CCL28: variants seen among roughly 807,000 people sequenced by gnomAD.
The protein encoded by CCL28 is C-C motif chemokine ligand 28.
In CCL28, 4 loss-of-function variants were observed where a neutral mutation model predicts 7.1. That is an observed-to-expected ratio of 0.56 (90% CI 0.28 to 1.29). CCL28 has a LOEUF of 1.29. CCL28 is among the 50% of genes most tolerant of loss of function. The pLI, the probability that CCL28 is intolerant of heterozygous loss-of-function variation, is 0.11. For missense variants in CCL28, 151 were observed against 163.4 expected, an observed-to-expected ratio of 0.92 and a Z score of 0.41; for synonymous variants, 55 against 57.8, an observed-to-expected ratio of 0.95 and a Z score of 0.22.
downstream of CCL28, among the ~76,000 whole-genome samples, chr5:43,374,015 C>T (rs72754600): frequency 6.4e-4 from 97 of 152,300 alleles, no homozygotes; most frequent in Non-Finnish European, 1.1e-3. Flanking sequence ...AACATAGTTT[C>T]CTAGGCCAGG....
At chr5:43,402,680 GT>G (rs1368975523) in intron 1 of CCL28, among the ~76,000 whole-genome samples, 1 of 152,206 alleles carries the variant, frequency 6.6e-6, no homozygotes, top group East Asian at 1.9e-4. Flanking sequence ...AGTGGGTGCA[GT>G]CCATGGAGCG....
downstream of CCL28, among the ~76,000 whole-genome samples, chr5:43,375,949 C>T (rs777025587): frequency 4.6e-5 from 7 of 152,102 alleles, no homozygotes; most frequent in South Asian, 8.3e-4. Flanking sequence ...GCAGGAGAAT[C>T]GCTTGAGCCT....
At chr5:43,376,185 G>A (rs1185391395), downstream of CCL28, among the ~76,000 whole-genome samples, 1 of 152,254 alleles carries the variant, frequency 6.6e-6, no homozygotes, top group Non-Finnish European at 1.5e-5. Flanking sequence ...TCTATACCAG[G>A]GCAGAAAATT....
the CCL28 span, among the ~76,000 whole-genome samples, chr5:43,368,762 A>G: frequency 1.3e-5 from 2 of 152,126 alleles, no homozygotes; most frequent in Non-Finnish European, 2.9e-5. Context: ...GTGAAGGGAC[A>G]CTGGGAGAAG....
At chr5:43,357,925 G>A in the CCL28 span, among the ~76,000 whole-genome samples, 5 of 152,110 alleles carry the variant, frequency 3.3e-5, no homozygotes, top group Non-Finnish European at 4.4e-5. Context: ...AGGGCCCAAG[G>A]GTATTGTCCC....
At chr5:43,376,482 G>A (rs920136917), downstream of CCL28, among the ~76,000 whole-genome samples, 2 of 152,138 alleles carry the variant, frequency 1.3e-5, no homozygotes, top group African/African-American at 4.8e-5. Context: ...AGCAAAACAG[G>A]AAAGACAATT....
downstream of CCL28, among the ~76,000 whole-genome samples, chr5:43,375,012 T>A (rs147490407): frequency 1.3e-5 from 2 of 151,964 alleles, no homozygotes; most frequent in African/African-American, 4.8e-5. Context: ...TTTTTTGAGA[T>A]GGACTTTCAC....
At chr5:43,398,845 A>T (rs1440475925) in intron 1 of CCL28, among the ~76,000 whole-genome samples, 3 of 107,506 alleles carry the variant, frequency 2.8e-5, no homozygotes, top group East Asian at 4.0e-4. Flanking sequence ...GAGGGACTCC[A>T]TCTCAAAAAA....
chr5:43,397,328 GT>G (rs34033222), intron 1 of CCL28: 78,569 of 147,810 alleles, frequency 0.53, 21,318 homozygotes, highest in Middle Eastern at 0.66. Flanking sequence ...ACCCTTACTA[GT>G]TTTTTTTTTT....
chr5:43,361,137 CA>C, the CCL28 span, among the ~76,000 whole-genome samples: 1 of 152,152 alleles, frequency 6.6e-6, no homozygotes, highest in African/African-American at 2.4e-5. Context: ...CATGTCCCTG[CA>C]AAGGATATGA....
intron 1 of CCL28, among the ~76,000 whole-genome samples, chr5:43,400,387 T>C (rs1222213426): frequency 6.6e-6 from 1 of 152,142 alleles, no homozygotes; most frequent in Non-Finnish European, 1.5e-5. Context: ...GGTCTCACTC[T>C]ATTGCTCAGG....
At position 43,381,884 on chromosome 5, in the gene CCL28, T is replaced by C. The variant is rs1487670505; in HGVS notation, c.360A>G (p.Thr120=). 1.9e-6 allele frequency: 3 copies of C among 1,614,024 alleles called. No individual in the cohort carries two copies. The highest frequency in any genetic ancestry group is 2.2e-5 in the South Asian group (2 of 91,042). The stretch of plus-strand genomic sequence containing the variant: ...TCTAATAAGGAGTTTTATGGCCGTA[T>C]GTTTCGTGTTTCCCCTGATGTGCCC... The part of the protein sequence containing the change: ...SNRAHQGKHE[T]YGHKTPY The change falls in exon 3 of 3, where the codon ACA becomes ACG. Residue 120 remains threonine (T), a synonymous_variant. Coordinates refer to ENST00000361115, the MANE Select transcript of CCL28 (RefSeq NM_148672.3).
chr5:43,381,814 C>T lies in CCL28; in HGVS notation c.*46G>A, dbSNP rs754116117. ...TGATAAACTTACAACCAATCATGGC[C>T]AAGTCCACTTGAGGAATTGTCTCTG... On this transcript the variant is annotated 3_prime_UTR_variant, in exon 3 of 3. Coordinates refer to ENST00000361115, the MANE Select transcript of CCL28 (RefSeq NM_148672.3). 1 of 1,481,136 alleles carries T rather than the reference C, an allele frequency of 6.8e-7. No individual in the cohort carries two copies. The highest frequency in any genetic ancestry group is 1.2e-5 in the South Asian group (1 of 80,382). The allele number at this position is 1,481,136 out of a possible 1,614,324, so 91.7% of individuals were successfully genotyped here.
downstream of CCL28, among the ~76,000 whole-genome samples, chr5:43,373,925 A>T (rs976788406): frequency 2.0e-5 from 3 of 152,236 alleles, no homozygotes; most frequent in African/African-American, 7.2e-5. Flanking sequence ...TGTCTATCTT[A>T]TAGACAGGCT....
At chr5:43,396,853 T>C (rs1402491570) in intron 1 of CCL28, among the ~76,000 whole-genome samples, 1 of 152,186 alleles carries the variant, frequency 6.6e-6, no homozygotes, top group Non-Finnish European at 1.5e-5. Context: ...GTGGCTGCCG[T>C]GGACCAGGAG....
At chr5:43,398,708 G>A (rs530402537) in intron 1 of CCL28, among the ~76,000 whole-genome samples, 1 of 152,206 alleles carries the variant, frequency 6.6e-6, no homozygotes, top group East Asian at 1.9e-4. Context: ...AAAATTAGCC[G>A]GGCATGGTGG....
intron 2 of CCL28, among the ~76,000 whole-genome samples, chr5:43,383,242 T>G (rs920458343): frequency 1.3e-5 from 2 of 152,182 alleles, no homozygotes; most frequent in Admixed American, 6.5e-5. Context: ...AATTTCCTCA[T>G]GAGGGGTCAT....
the CCL28 span, among the ~76,000 whole-genome samples, chr5:43,364,615 T>C: frequency 5.6e-3 from 845 of 152,184 alleles, 8 homozygotes; most frequent in African/African-American, 0.02. Context: ...CTAAAAAAAA[T>C]GTTAATTTAT....
chr5:43,391,859 C>T (rs949678320), intron 1 of CCL28, among the ~76,000 whole-genome samples: 1 of 152,166 alleles, frequency 6.6e-6, no homozygotes, highest in East Asian at 1.9e-4. Flanking sequence ...AACTACATAA[C>T]TTCCCCGAGA....
Sources: gnomAD v4.1 joint callset for allele counts (sites outside exome capture counted in the v4.1 genomes callset) on GRCh38, gnomAD v4.1.1 for gene constraint, MANE v1.5 for transcripts, NCBI Gene and HGNC (gene_info 2026-07-23, HGNC 2026-07-21) for gene names.